Variants in HIF3A observed in about 807,000 individuals in gnomAD.
HIF3A encodes hypoxia inducible factor 3 subunit alpha, also known as hypoxia-inducible factor 3-alpha.
In HIF3A, 41 loss-of-function variants were observed where a neutral mutation model predicts 67.2. That is an observed-to-expected ratio of 0.61 (90% CI 0.48 to 0.79). The LOEUF (loss-of-function observed/expected upper bound fraction) is 0.79, where lower values mean the gene tolerates loss of function less well. Among genes scored for constraint, HIF3A ranks in the 30% least tolerant of loss-of-function variants. The pLI is 0.00. For synonymous variants in HIF3A, 356 were observed against 374.8 expected (o/e 0.95, Z 0.58); for missense variants, 855 against 898.0 (o/e 0.95, Z 0.61).
chr19:46,300,817 G>A (rs1215408071), intron 1 of HIF3A, among the ~76,000 whole-genome samples: 1 of 152,162 alleles, frequency 6.6e-6, no homozygotes, highest in Non-Finnish European at 1.5e-5. Context: ...ACACTTCCCA[G>A]TAGAACATCC....
intron 8 of HIF3A, among the ~76,000 whole-genome samples, chr19:46,315,595 A>G (rs1969851688): frequency 6.6e-6 from 1 of 152,124 alleles, no homozygotes; most frequent in African/African-American, 2.4e-5. Context: ...TGGATAGGTT[A>G]TATAGTAACT....
Position 46,329,274 on chromosome 19 carries a change from A to T in HIF3A, c.1508A>T (p.Asn503Ile). The T allele has an allele frequency of 1.9e-6, 3 of 1,613,252 alleles. No homozygotes were observed. The highest frequency in any genetic ancestry group is 2.5e-6 in the Non-Finnish European group (3 of 1,179,922). ...YISMDDDFQLNASEQLPRAYH... is the reference protein window; with the variant it reads ...YISMDDDFQLIASEQLPRAYH... ...TCCATGGATGATGACTTCCAGCTCA[A>T]CGCCAGCGAGCAGCTACCCAGGGCC... The change falls in exon 12 of 15, where the codon AAC becomes ATC. Residue 503 changes from asparagine to isoleucine, a missense_variant. Coordinates refer to ENST00000377670, the MANE Select transcript of HIF3A (RefSeq NM_152795.4).
At chr19:46,299,400 G>T (rs1020682295) in intron 1 of HIF3A, among the ~76,000 whole-genome samples, 9 of 152,190 alleles carry the variant, frequency 5.9e-5, no homozygotes, top group Non-Finnish European at 1.2e-4. Flanking sequence ...AGTGACTGCC[G>T]CTCTGAGCCT....
intron 1 of HIF3A, among the ~76,000 whole-genome samples, chr19:46,303,053 T>C (rs1435890207): frequency 6.6e-6 from 1 of 152,158 alleles, no homozygotes; most frequent in Non-Finnish European, 1.5e-5. Flanking sequence ...GGCTTCCCTA[T>C]TTGTGGGCAG....
In HIF3A at chr19:46,325,528, TC is replaced by T; in HGVS notation, c.1336-5del. The T allele has an allele frequency of 6.2e-7, 1 of 1,604,906 alleles. No individual in the cohort carries two copies. The highest frequency in any genetic ancestry group is 8.5e-7 in the Non-Finnish European group (1 of 1,173,262). ...TTTCCTGAAGTTTCTACTCCATCTC[TC>T]CACAGGCTGATCTCCCAGATGAACT... On this transcript the variant is annotated splice_polypyrimidine_tract_variant and splice_region_variant and intron_variant, in intron 10 of 14. Transcript: ENST00000377670.
intron 10 of HIF3A, among the ~76,000 whole-genome samples, chr19:46,323,775 G>T (rs1422225931): frequency 6.6e-6 from 1 of 152,136 alleles, no homozygotes; most frequent in Non-Finnish European, 1.5e-5. Context: ...TTACATGGCG[G>T]CAGGCAAGAG....
At position 46,309,234 on chromosome 19, in the gene HIF3A, G is replaced by C. The variant is rs539753130; in HGVS notation, c.645G>C (p.Pro215=). 6.2e-7 allele frequency: 1 copy of C among 1,614,050 alleles called. No individual in the cohort carries two copies. Among genetic ancestry groups the C allele is most frequent in the Admixed American group, 1.7e-5 (1 of 60,006 alleles). ...SPAGSPDSEP[P]LQCLVLICEA... ...CTGGGAGCCCTGACTCAGAGCCCCCGCTGCAGTGCCTGGTGCTCATCTGCG... is the reference window on the plus strand; with the variant it reads ...CTGGGAGCCCTGACTCAGAGCCCCCCCTGCAGTGCCTGGTGCTCATCTGCG... Residue 215 remains proline, a synonymous_variant, in exon 6 of 15, where the codon CCG becomes CCC. Coordinates refer to ENST00000377670, the MANE Select transcript of HIF3A (RefSeq NM_152795.4).
At chr19:46,324,943 CAT>C (rs559944273) in intron 10 of HIF3A, among the ~76,000 whole-genome samples, 4,701 of 132,146 alleles carry the variant, frequency 0.036, 114 homozygotes, top group African/African-American at 0.061. Flanking sequence ...TATATATATA[CAT>C]ATATATATAT....
At position 46,318,548 on chromosome 19, in the gene HIF3A, CAA is replaced by C. The variant is rs908312286; in HGVS notation, c.1026-1874_1026-1873del. 4.3e-4 allele frequency among the ~76,000 whole-genome samples: 23 copies of C among 54,092 alleles called. 1 individual carries two copies. The highest frequency in any genetic ancestry group is 7.4e-4 in the Admixed American group (3 of 4,058). The allele number at this position is 54,092 out of a possible 152,430, so 35.5% of individuals were successfully genotyped here. On this transcript the variant is annotated intron_variant, in intron 8 of 14. Transcript: ENST00000377670. ...TGAGCGAGAGAGTGAGATCCTGTCT[CAA>C]AAAAAAAAAAAAAAAAAAAAGTAAA...
At chr19:46,315,153 G>A (rs964693769) in intron 8 of HIF3A, among the ~76,000 whole-genome samples, 1 of 146,298 alleles carries the variant, frequency 6.8e-6, no homozygotes, top group South Asian at 2.3e-4. Flanking sequence ...TACAGCCTCC[G>A]CCTCTGAGGT....
At chr19:46,318,022 G>A (rs1442406774) in intron 8 of HIF3A, among the ~76,000 whole-genome samples, 3 of 151,974 alleles carry the variant, frequency 2.0e-5, no homozygotes, top group Non-Finnish European at 4.4e-5. Context: ...TTTTAGTAGA[G>A]ATGGGGTTTC....
chr19:46,308,272 G>A lies in HIF3A; in HGVS notation c.415G>A (p.Glu139Lys). ...IFDFIHPCDQ[E>K]ELQDALTPQQ... Reference sequence around the variant, plus strand: ...TGATTTCATCCACCCCTGTGACCAAGAGGAGCTTCAGGACGCCCTGACCCC... The same window carrying A: ...TGATTTCATCCACCCCTGTGACCAAAAGGAGCTTCAGGACGCCCTGACCCC... The change falls in exon 4 of 15, where the codon GAG becomes AAG. Residue 139 changes from glutamate to lysine, a missense_variant. Coordinates refer to ENST00000377670, the MANE Select transcript of HIF3A (RefSeq NM_152795.4). The A allele has an allele frequency of 6.2e-7, 1 of 1,613,848 alleles. No individual in the cohort carries two copies. The highest frequency in any genetic ancestry group is 8.5e-7 in the Non-Finnish European group (1 of 1,179,844).
At chr19:46,311,919 C>G (rs1161921718) in intron 6 of HIF3A, 1 of 708,480 alleles carries the variant, frequency 1.4e-6, no homozygotes, top group East Asian at 2.6e-5. Flanking sequence ...TGCAAAGTCC[C>G]TTTAGCCACG....
At position 46,331,266 on chromosome 19, in the gene HIF3A, T is replaced by C; in HGVS notation, c.1823T>C (p.Leu608Pro). 1 of 1,612,900 alleles carries C rather than the reference T, an allele frequency of 6.2e-7. No individual in the cohort carries two copies. Among genetic ancestry groups the C allele is most frequent in the Non-Finnish European group, 8.5e-7 (1 of 1,179,012 alleles). ...PEHENFLLFP[L>P]SLSFLLTGGP... ...CACGAAAACTTTCTGCTCTTTCCTC[T>C]CAGCCTGGTGTGTTGGGGGATTAAT... Residue 608 changes from leucine to proline, a missense_variant, in exon 13 of 15, where the codon CTC becomes CCC. By Grantham distance (98) the Leu-to-Pro change is moderately conservative. Around this residue, in one of 3 missense-constraint regions of HIF3A, gnomAD observed 199 missense variants for 193.8 expected, o/e 1.03. Coordinates refer to ENST00000377670, the MANE Select transcript of HIF3A (RefSeq NM_152795.4).
chr19:46,298,890 C>A (rs545279821), intron 1 of HIF3A, among the ~76,000 whole-genome samples: 4 of 95,968 alleles, frequency 4.2e-5, no homozygotes, highest in East Asian at 7.4e-4. Flanking sequence ...CGTAAGACGC[C>A]CCCCCCCAAT....
At chr19:46,318,625 T>C (rs113965809) in intron 8 of HIF3A, among the ~76,000 whole-genome samples, 17,250 of 150,984 alleles carry the variant, frequency 0.11, 1,295 homozygotes, top group East Asian at 0.32. Flanking sequence ...TTTATTTATT[T>C]ATTTATTTAT....
intron 1 of HIF3A, among the ~76,000 whole-genome samples, chr19:46,299,339 A>T (rs1568494354): frequency 6.6e-6 from 1 of 152,202 alleles, no homozygotes; most frequent in Admixed American, 6.5e-5. Flanking sequence ...GGGCCCAAAG[A>T]CAGGGTTCAA....
rs1416649060 is a variant in HIF3A at position 46,339,513 on chromosome 19, T to C, written c.1913-12T>C. The C allele has an allele frequency of 1.3e-6, 2 of 1,520,648 alleles. No homozygotes were observed. Among genetic ancestry groups the C allele is most frequent in the African/African-American group, 1.4e-5 (1 of 72,132 alleles). The allele number at this position is 1,520,648 out of a possible 1,614,324, so 94.2% of individuals were successfully genotyped here. A position where few individuals can be genotyped will look rare whatever the true frequency, so the allele number is the denominator to read the frequency against. The stretch of plus-strand genomic sequence containing the variant: ...TTACCTTTCATTTATCATTTATCTT[T>C]CATCTTTGCAGGCCTGGGCCCCTCA... On this transcript the variant is annotated splice_polypyrimidine_tract_variant and intron_variant, in intron 14 of 14. Transcript: ENST00000377670.
rs115778680 is a variant in HIF3A, at chr19:46,331,162, G to A, written c.1719G>A (p.Leu573=). The A allele has an allele frequency of 2.6e-5, 42 of 1,612,248 alleles. No homozygotes were observed. The East Asian group carries it at 6.2e-4, about 24-fold the overall frequency. The change falls in exon 13 of 15, where the codon CTG becomes CTA. Residue 573 remains leucine (L), a synonymous_variant. Transcript: ENST00000377670. ...SPMAGARKRT[L]AQSSEDEDEG... is the part of the protein sequence containing the mutation. ...CTTGCCTGTTTTCCTCCAGGACCCT[G>A]GCCCAGAGCTCAGAGGACGAGGACG... is the stretch of plus-strand genomic sequence containing the variant.
Sources: allele counts gnomAD v4.1 joint callset (sites outside exome capture counted in the v4.1 genomes callset), GRCh38; gene constraint gnomAD v4.1.1; regional missense constraint gnomAD v4.1.1; transcripts MANE v1.5; gene names NCBI Gene and HGNC (gene_info 2026-07-23, HGNC 2026-07-21).